The following MEIS2 variants were observed in gnomAD, a reference collection of about 807,000 sequenced individuals.
The protein encoded by MEIS2 is Meis homeobox 2, also known as homeobox protein Meis2.
In MEIS2, 9 loss-of-function variants were observed where a neutral mutation model predicts 58.6. The observed-to-expected ratio is 0.15, with a 90% confidence interval of 0.09 to 0.27. The LOEUF (loss-of-function observed/expected upper bound fraction) is 0.27, where lower values mean the gene tolerates loss of function less well. Among genes scored for constraint, MEIS2 ranks in the 10% least tolerant of loss-of-function variants. The pLI is 1.00. For synonymous variants in MEIS2, 221 were observed against 228.4 expected, an observed-to-expected ratio of 0.97 and a Z score of 0.29; for missense variants, 427 against 635.0, an observed-to-expected ratio of 0.67 and a Z score of 3.52.
upstream of MEIS2, among the ~76,000 whole-genome samples, chr15:37,100,736 CGT>C (rs1303818008): frequency 7.3e-5 from 11 of 150,034 alleles, no homozygotes; most frequent in East Asian, 2.0e-4. Flanking sequence ...TGCGTGCGCG[CGT>C]GTGTGTTGCG....
intron 7 of MEIS2, 55 bp from the exon 8 acceptor site, chr15:37,037,014 A>G (rs1595981573): frequency 6.6e-7 from 1 of 1,524,680 alleles, no homozygotes; most frequent in South Asian, 1.2e-5. Context: ...TGCCAACAAC[A>G]AGTGCAGCTA....
chr15:36,920,207 T>C (rs545842540), intron 9 of MEIS2, among the ~76,000 whole-genome samples: 1 of 152,292 alleles, frequency 6.6e-6, no homozygotes, highest in African/African-American at 2.4e-5. Flanking sequence ...TGGAGTACAA[T>C]GGCTCAATCT....
chr15:37,059,720 T>C (rs1888930653), intron 7 of MEIS2, among the ~76,000 whole-genome samples: 1 of 151,972 alleles, frequency 6.6e-6, no homozygotes, highest in Non-Finnish European at 1.5e-5. Flanking sequence ...GTGAATCAGT[T>C]GAGGCCAGGA....
intron 7 of MEIS2, among the ~76,000 whole-genome samples, chr15:37,065,875 T>C (rs2141855119): frequency 6.6e-6 from 1 of 152,342 alleles, no homozygotes; most frequent in Admixed American, 6.5e-5. Context: ...GATCTTATTA[T>C]TCCCAAAGTC....
chr15:36,940,310 A>G (rs2058329466), intron 9 of MEIS2, among the ~76,000 whole-genome samples: 1 of 152,020 alleles, frequency 6.6e-6, no homozygotes, highest in Non-Finnish European at 1.5e-5. Flanking sequence ...TTCTTTCCCT[A>G]CTTAAACCCC....
At chr15:36,989,027 A>G (rs937774012) in intron 8 of MEIS2, among the ~76,000 whole-genome samples, 18 of 152,356 alleles carry the variant, frequency 1.2e-4, no homozygotes, top group South Asian at 8.3e-4. Flanking sequence ...AAAGACAGCC[A>G]GCTTCTATAA....
At chr15:36,946,905 T>C (rs2058585857) in intron 9 of MEIS2, among the ~76,000 whole-genome samples, 1 of 152,030 alleles carries the variant, frequency 6.6e-6, no homozygotes, top group African/African-American at 2.4e-5. Context: ...TTTAGAGCTT[T>C]AATCAATATT....
chr15:37,050,614 A>G (rs1427312222), intron 7 of MEIS2, among the ~76,000 whole-genome samples: 2 of 151,998 alleles, frequency 1.3e-5, no homozygotes, highest in South Asian at 2.1e-4. Context: ...ACATTTTTCT[A>G]TTTCTCTGGG....
chr15:37,041,798 G>C (rs2062433636), intron 7 of MEIS2, among the ~76,000 whole-genome samples: 1 of 151,998 alleles, frequency 6.6e-6, no homozygotes, highest in African/African-American at 2.4e-5. Flanking sequence ...CAAAATATAT[G>C]TGCACCTGGG....
Position 37,097,995 on chromosome 15 carries a change from A to C in MEIS2, c.217T>G (p.Leu73Val). 6.2e-7 allele frequency: 1 copy of C among 1,608,404 alleles called. No homozygotes were observed. Among genetic ancestry groups the C allele is most frequent in the Non-Finnish European group, 8.5e-7 (1 of 1,176,216 alleles). ...ASMGSAVNDA[L>V]KRDKDAIYGH... ...TAGATCGCGTCCTTGTCCCGCTTCAAGGCGTCGTTGACAGCGGATCCCATA... is the reference window on the plus strand; with the variant it reads ...TAGATCGCGTCCTTGTCCCGCTTCACGGCGTCGTTGACAGCGGATCCCATA... Residue 73 changes from leucine (L) to valine (V), a missense_variant, in exon 2 of 12, where the codon TTG (leucine) becomes GTG (valine). Around this residue, in one of 6 missense-constraint regions of MEIS2, gnomAD observed 103 missense variants for 111.8 expected, o/e 0.92. Transcript: ENST00000561208.
intron 8 of MEIS2, among the ~76,000 whole-genome samples, chr15:36,984,634 C>T (rs1036904642): frequency 6.6e-6 from 1 of 152,096 alleles, no homozygotes; most frequent in African/African-American, 2.4e-5. Context: ...CCCTTCTCTT[C>T]CATTTTTTGC....
intron 2 of MEIS2, among the ~76,000 whole-genome samples, chr15:37,096,844 T>C (rs1159803098): frequency 6.6e-6 from 1 of 151,632 alleles, no homozygotes; most frequent in Non-Finnish European, 1.5e-5. Context: ...CTGTGTGAAA[T>C]TGAAAAAAAA....
chr15:36,998,756 T>G lies in MEIS2; in HGVS notation c.900+38058A>C, dbSNP rs139311626. Among the ~76,000 whole-genome samples the G allele has an allele frequency of 7.6e-3, 1,157 of 152,316 alleles. 18 individuals carry two copies. Among genetic ancestry groups the G allele is most frequent in the African/African-American group, 0.026 (1,098 of 41,566 alleles). On this transcript the variant is annotated intron_variant, in intron 8 of 11. Transcript: ENST00000561208. ...ACTTCATAAACTGCTTGAAGCGTAC[T>G]GCTCTGAGGGCTTCCGTATTACGCC...
chr15:36,891,895 A>T lies in MEIS2; in HGVS notation c.*278T>A, dbSNP rs2055879175. The T allele has an allele frequency of 2.1e-6, 1 of 468,222 alleles. No individual in the cohort carries two copies. 29.0% of individuals were successfully genotyped at this position (468,222 alleles called of 1,614,324 possible). ...AACGGCGTGATCAACAGAAATGTAC[A>T]AGTTTAACTTAGTTCCTATATTTAT... On this transcript the variant is annotated 3_prime_UTR_variant, in exon 12 of 12. Transcript: ENST00000561208.
At chr15:37,020,689 T>A (rs7182744) in intron 8 of MEIS2, among the ~76,000 whole-genome samples, 6,649 of 151,350 alleles carry the variant, frequency 0.044, 526 homozygotes, top group African/African-American at 0.15. Context: ...TTTTTTTTTT[T>A]AATCTCACCA....
At chr15:37,098,993 G>C (rs1410401181) in intron 1 of MEIS2, 1 of 983,880 alleles carries the variant, frequency 1.0e-6, no homozygotes. Context: ...CGGCGGCGCA[G>C]CGGCTGCGGC....
chr15:37,097,860 A>C, intron 2 of MEIS2, 107 bp downstream of exon 2: 2 of 1,414,658 alleles, frequency 1.4e-6, no homozygotes, highest in Non-Finnish European at 9.3e-7. Context: ...GCCCCCCACC[A>C]TACAGAAGTA....
intron 8 of MEIS2, among the ~76,000 whole-genome samples, chr15:36,971,972 G>T (rs928255535): frequency 1.3e-5 from 2 of 152,100 alleles, no homozygotes; most frequent in Non-Finnish European, 2.9e-5. Flanking sequence ...GTCCAAGTGT[G>T]GAGCAACACG....
chr15:37,023,911 CTTTTTTTT>C (rs35244111), intron 8 of MEIS2, among the ~76,000 whole-genome samples: 4 of 101,516 alleles, frequency 3.9e-5, no homozygotes, highest in African/African-American at 1.6e-4. Context: ...TTTTCTCTCT[CTTTTTTTT>C]TTTTTTTTTT....
Sources: allele counts gnomAD v4.1 joint callset (sites outside exome capture counted in the v4.1 genomes callset), GRCh38; gene constraint gnomAD v4.1.1; regional missense constraint gnomAD v4.1.1; transcripts MANE v1.5; gene names NCBI Gene and HGNC (gene_info 2026-07-23, HGNC 2026-07-21).